The following SLC1A4 variants were observed in gnomAD, a reference collection of about 807,000 sequenced individuals.
SLC1A4 encodes the protein solute carrier family 1 member 4.
A neutral mutation model predicts 37.7 loss-of-function variants in SLC1A4; 19 were observed. The observed-to-expected ratio is 0.50, with a 90% CI of 0.35 to 0.74. The LOEUF is 0.74. SLC1A4 is among the 30% of genes least tolerant of loss of function. SLC1A4 has a pLI of 0.01. For synonymous variants in SLC1A4, 299 were observed against 309.8 expected, an observed-to-expected ratio of 0.97 and a Z score of 0.37; for missense variants, 570 against 712.9, an observed-to-expected ratio of 0.80 and a Z score of 2.28.
At chr2:64,991,594 TTTG>T (rs1243222782) in intron 1 of SLC1A4, among the ~76,000 whole-genome samples, 48 of 74,392 alleles carry the variant, frequency 6.5e-4, no homozygotes, top group African/African-American at 1.8e-3. Flanking sequence ...CACCCAGCTT[TTTG>T]TTTGTTTGTT....
chr2:64,991,864 G>A lies in SLC1A4; in HGVS notation c.527+1694G>A, dbSNP rs191732354. ...GAGCCACCCGCCTCGGCCTCCCAAAGTGCTGGGATTACAGGTGTGAGCCAC... is the reference window on the plus strand; with the variant it reads ...GAGCCACCCGCCTCGGCCTCCCAAAATGCTGGGATTACAGGTGTGAGCCAC... On this transcript the variant is annotated intron_variant, in intron 1 of 7. Transcript: ENST00000234256. Among the ~76,000 whole-genome samples the A allele has an allele frequency of 3.2e-3, 489 of 152,204 alleles. 3 individuals carry two copies. The highest frequency in any genetic ancestry group is 0.011 in the African/African-American group (464 of 41,506).
chr2:64,997,454 C>T (rs1673298421), intron 1 of SLC1A4, among the ~76,000 whole-genome samples: 1 of 152,226 alleles, frequency 6.6e-6, no homozygotes, highest in Non-Finnish European at 1.5e-5. Flanking sequence ...TCACCTATGA[C>T]TCTTCTCAGC....
At chr2:65,019,558 C>G (rs1002400473) in intron 7 of SLC1A4, among the ~76,000 whole-genome samples, 1 of 152,204 alleles carries the variant, frequency 6.6e-6, no homozygotes, top group African/African-American at 2.4e-5. Context: ...CACTCCAGAC[C>G]AGGTTCGTCA....
At chr2:65,013,266 A>C (rs1673993102) in intron 4 of SLC1A4, among the ~76,000 whole-genome samples, 1 of 152,214 alleles carries the variant, frequency 6.6e-6, no homozygotes, top group African/African-American at 2.4e-5. Flanking sequence ...CTTGTTGCCC[A>C]GGCTGCAGTG....
At position 64,991,184 on chromosome 2, in the gene SLC1A4, CA is replaced by C. The variant is rs548737346; in HGVS notation, c.527+1017del. Among the ~76,000 whole-genome samples, 613 of 152,330 alleles carry C rather than the reference CA, an allele frequency of 4.0e-3. 7 individuals are homozygous for C. The highest frequency in any genetic ancestry group is 4.6e-3 in the Non-Finnish European group (313 of 68,036). On this transcript the variant is annotated intron_variant, in intron 1 of 7. Transcript: ENST00000234256. ...TCATTGCTGAGGTTGTGAAAAACAG[CA>C]AACCCTGGGCAAAGTGACTTGCCTT...
chr2:65,016,732 GC>G, intron 5 of SLC1A4, 59 bp downstream of exon 5: 1 of 1,126,398 alleles, frequency 8.9e-7, no homozygotes, highest in Non-Finnish European at 1.4e-6. Flanking sequence ...AACCAGGTGA[GC>G]CCAGTGGTAG....
chr2:64,991,321 A>C (rs1005288672), intron 1 of SLC1A4, among the ~76,000 whole-genome samples: 5 of 148,088 alleles, frequency 3.4e-5, no homozygotes, highest in Non-Finnish European at 7.5e-5. Flanking sequence ...TTAAAAACAA[A>C]CAAACAACAA....
chr2:65,010,751 C>A lies in SLC1A4; in HGVS notation c.788C>A (p.Ser263Tyr). 6.2e-7 allele frequency: 1 copy of A among 1,612,772 alleles called. No individual in the cohort carries two copies. The highest frequency in any genetic ancestry group is 2.2e-5 in the East Asian group (1 of 44,864). The change falls in exon 4 of 8, where the codon TCC (serine) becomes TAC (tyrosine). Residue 263 changes from serine to tyrosine, a missense_variant. By Grantham distance (144) the Ser-to-Tyr change is moderately radical. Transcript: ENST00000234256. Reference sequence around the variant, plus strand: ...AACGAGGCGACGATGGTGCTGGTGTCCTGGATTATGTGGTGAGTGCTGCTT... The same window carrying A: ...AACGAGGCGACGATGGTGCTGGTGTACTGGATTATGTGGTGAGTGCTGCTT... ...SLNEATMVLV[S>Y]WIMWYVPVGI...
intron 1 of SLC1A4, among the ~76,000 whole-genome samples, chr2:64,993,016 G>C (rs924569782): frequency 6.6e-6 from 1 of 152,226 alleles, no homozygotes; most frequent in Non-Finnish European, 1.5e-5. Context: ...AAACTTCACG[G>C]ATGTGGATTT....
chr2:65,021,027 G>A lies in SLC1A4; in HGVS notation c.1480G>A (p.Val494Met). The change falls in exon 8 of 8, where the codon GTG (valine) becomes ATG (methionine). Residue 494 changes from valine to methionine, a missense_variant. By Grantham distance (21) the Val-to-Met change is conservative. Transcript: ENST00000234256. ...KGEQELAEVK[V>M]EAIPNCKSEE... ...CGAGCAGGAACTTGCTGAGGTGAAAGTGGAAGCCATCCCCAACTGCAAGTC... is the reference window on the plus strand; with the variant it reads ...CGAGCAGGAACTTGCTGAGGTGAAAATGGAAGCCATCCCCAACTGCAAGTC... 3 of 1,614,266 alleles carry A rather than the reference G, an allele frequency of 1.9e-6. No homozygotes were observed. Among genetic ancestry groups the A allele is most frequent in the Non-Finnish European group, 2.5e-6 (3 of 1,180,042 alleles).
rs1330791470 is a variant in SLC1A4 at position 65,021,586 on chromosome 2, T to C, written c.*440T>C. Reference sequence around the variant, plus strand: ...GTCGCATTGCCTCGAGTTGCAGTAATTGAAAAAATGCTCAAATTCTTAGCC... The same window carrying C: ...GTCGCATTGCCTCGAGTTGCAGTAACTGAAAAAATGCTCAAATTCTTAGCC... On this transcript the variant is annotated 3_prime_UTR_variant, in exon 8 of 8. Coordinates refer to ENST00000234256, the MANE Select transcript of SLC1A4 (RefSeq NM_003038.5). The C allele has an allele frequency of 6.3e-6, 1 of 159,854 alleles. No homozygotes were observed. The highest frequency in any genetic ancestry group is 1.4e-5 in the Non-Finnish European group (1 of 73,090). The allele number at this position is 159,854 out of a possible 1,614,324, so 9.9% of individuals were successfully genotyped here.
At chr2:64,999,646 G>GA (rs1673391407) in intron 1 of SLC1A4, 2 of 151,988 alleles carry the variant, frequency 1.3e-5, no homozygotes, top group Non-Finnish European at 2.9e-5. Flanking sequence ...TCCACCTGGG[G>GA]AGAGATTCAC....
intron 4 of SLC1A4, among the ~76,000 whole-genome samples, chr2:65,011,931 G>A (rs1365973039): frequency 1.3e-5 from 2 of 151,200 alleles, no homozygotes; most frequent in Non-Finnish European, 2.9e-5. Context: ...ACCATGCCCG[G>A]CTAATTTTTG....
intron 1 of SLC1A4, among the ~76,000 whole-genome samples, chr2:64,993,040 G>A (rs938581593): frequency 6.6e-6 from 1 of 152,194 alleles, no homozygotes; most frequent in African/African-American, 2.4e-5. Flanking sequence ...GTGACTCTGG[G>A]CATCTTCTTT....
At chr2:64,996,711 T>G (rs1328704334) in intron 1 of SLC1A4, among the ~76,000 whole-genome samples, 8 of 152,216 alleles carry the variant, frequency 5.3e-5, no homozygotes, top group Non-Finnish European at 8.8e-5. Context: ...GCATTTCAGT[T>G]GGACAGTGCT....
At chr2:65,004,067 T>C (rs1673581810) in intron 3 of SLC1A4, 52 bp downstream of exon 3, 4 of 1,472,416 alleles carry the variant, frequency 2.7e-6, no homozygotes, top group Non-Finnish European at 3.8e-6. Flanking sequence ...ACAAATCTTA[T>C]TTCTTCTTTG....
At position 65,018,587 on chromosome 2, in the gene SLC1A4, A is replaced by T. The variant is rs1674277990; in HGVS notation, c.1272A>T (p.Pro424=). Residue 424 remains proline, a synonymous_variant, in exon 7 of 8, where the codon CCA becomes CCT. Coordinates refer to ENST00000234256, the MANE Select transcript of SLC1A4 (RefSeq NM_003038.5). The surrounding 1 kb of genome is among the most constrained non-coding windows in gnomAD (Gnocchi z 4.3). ...CCAGTGTTGGAGCAGCAGGCGTGCC[A>T]GCTGGAGGGGTCCTCACCATTGCCA... ...TASSVGAAGV[P]AGGVLTIAII... 6.2e-7 allele frequency: 1 copy of T among 1,614,194 alleles called. No homozygotes were observed. Among genetic ancestry groups the T allele is most frequent in the East Asian group, 2.2e-5 (1 of 44,874 alleles).
rs751155498 is a variant in SLC1A4 at position 64,989,709 on chromosome 2, C to T, written c.66C>T (p.Pro22=). Residue 22 remains proline (P), a synonymous_variant, in exon 1 of 8, where the codon CCC becomes CCT. Transcript: ENST00000234256. ...CTCAGGCGGGGCCTGCGGCCGGGCC[C>T]GGAGCTCCGGGGACCGCGGCGGGAC... ...DSAQAGPAAG[P]GAPGTAAGRA... 4 of 1,516,988 alleles carry T rather than the reference C, an allele frequency of 2.6e-6. No homozygotes were observed. Among genetic ancestry groups the T allele is most frequent in the Non-Finnish European group, 3.5e-6 (4 of 1,138,480 alleles). The allele number at this position is 1,516,988 out of a possible 1,614,324, so 94.0% of individuals were successfully genotyped here. A position where few individuals can be genotyped will look rare whatever the true frequency, so the allele number is the denominator to read the frequency against.
intron 3 of SLC1A4, 73 bp downstream of exon 3, chr2:65,004,088 C>A: frequency 7.6e-7 from 1 of 1,309,048 alleles, no homozygotes; most frequent in Non-Finnish European, 1.1e-6. Context: ...AAGGAGCATA[C>A]AGGACGTGGG....
Sources: allele counts gnomAD v4.1 joint callset (sites outside exome capture counted in the v4.1 genomes callset), GRCh38; gene constraint gnomAD v4.1.1; non-coding constraint Gnocchi (gnomAD v3.1); transcripts MANE v1.5; gene names NCBI Gene and HGNC (gene_info 2026-07-23, HGNC 2026-07-21).